The following ERCC6L2 variants were observed in gnomAD, a reference collection of about 807,000 sequenced individuals.
ERCC6L2 encodes DNA excision repair protein ERCC-6-like 2.
In ERCC6L2, 77 loss-of-function variants were observed where a neutral mutation model predicts 132.0. The observed-to-expected ratio is 0.58, with a 90% CI of 0.49 to 0.71. The LOEUF (loss-of-function observed/expected upper bound fraction) is 0.71. ERCC6L2 is among the 30% of genes least tolerant of loss of function. The probability of loss-of-function intolerance (pLI) is 0.00; values close to 1 mark genes in which losing one functional copy is unlikely to be tolerated. For missense variants in ERCC6L2, 1,542 were observed against 1,837.6 expected (o/e 0.84, Z 2.94); for synonymous variants, 583 against 632.4 (o/e 0.92, Z 1.17).
intron 19 of ERCC6L2, among the ~76,000 whole-genome samples, chr9:96,024,324 T>A (rs1834333661): frequency 6.6e-6 from 1 of 152,226 alleles, no homozygotes; most frequent in South Asian, 2.1e-4. Context: ...GCAGAGTGAA[T>A]GAAGGGAAGT....
chr9:95,901,741 G>T (rs1476527393), intron 3 of ERCC6L2, among the ~76,000 whole-genome samples: 1 of 152,096 alleles, frequency 6.6e-6, no homozygotes, highest in Non-Finnish European at 1.5e-5. Flanking sequence ...TATTATGTTT[G>T]TTCTTTTGTT....
intron 2 of ERCC6L2, among the ~76,000 whole-genome samples, chr9:95,886,911 C>CA (rs1827899574): frequency 6.6e-6 from 1 of 152,198 alleles, no homozygotes; most frequent in Non-Finnish European, 1.5e-5. Context: ...CTGGCCTAGC[C>CA]TCCCAGCCTG....
chr9:96,039,164 G>A (rs1219499367), intron 20 of ERCC6L2, among the ~76,000 whole-genome samples: 1 of 152,206 alleles, frequency 6.6e-6, no homozygotes, highest in Non-Finnish European at 1.5e-5. Context: ...AAGCTGTTAT[G>A]GCTTTGGGGT....
intron 19 of ERCC6L2, among the ~76,000 whole-genome samples, chr9:96,030,663 C>G (rs762563948): frequency 8.9e-5 from 13 of 146,158 alleles, no homozygotes; most frequent in Non-Finnish European, 1.9e-4. Flanking sequence ...GATTGCGCCA[C>G]TGCACTCCAG....
chr9:95,908,186 A>G (rs1299277646), intron 4 of ERCC6L2, among the ~76,000 whole-genome samples: 1 of 152,122 alleles, frequency 6.6e-6, no homozygotes, highest in Non-Finnish European at 1.5e-5. Flanking sequence ...TCCACAATTT[A>G]AATGTTCAGG....
intron 17 of ERCC6L2, among the ~76,000 whole-genome samples, chr9:95,981,900 G>A (rs1158783762): frequency 6.6e-6 from 1 of 152,138 alleles, no homozygotes; most frequent in Non-Finnish European, 1.5e-5. Flanking sequence ...TGAAGGGGGA[G>A]GATGTATTCT....
chr9:95,915,545 C>T, intron 4 of ERCC6L2, 123 bp from the exon 5 acceptor site: 1 of 965,388 alleles, frequency 1.0e-6, no homozygotes, highest in Non-Finnish European at 1.5e-6. Context: ...CCAATGGAGT[C>T]ATCAAAGAGT....
intron 19 of ERCC6L2, among the ~76,000 whole-genome samples, chr9:96,024,635 C>T (rs1428876150): frequency 6.6e-6 from 1 of 152,184 alleles, no homozygotes; most frequent in Non-Finnish European, 1.5e-5. Flanking sequence ...ATTCTAGGGG[C>T]CCCTCCACTC....
At position 95,972,501 on chromosome 9, in the gene ERCC6L2, A is replaced by G. The variant is rs111792370; in HGVS notation, c.2750A>G (p.Asn917Ser). 13 of 1,289,930 alleles carry G rather than the reference A, an allele frequency of 1.0e-5. No individual in the cohort carries two copies. The African/African-American group carries it at 1.5e-4, about 15-fold the overall frequency. 79.9% of individuals were successfully genotyped at this position (1,289,930 alleles called of 1,614,324 possible). ...TQYTTERFPDNSIRFKPPLEG... is the reference protein window; with the variant it reads ...TQYTTERFPDSSIRFKPPLEG... The stretch of plus-strand genomic sequence containing the variant: ...TACACAACTGAGAGATTCCCCGACA[A>G]TAGTATAAGGTTTAAGCCACCCTTG... Residue 917 changes from asparagine (N) to serine (S), a missense_variant, in exon 16 of 19, where the codon AAT becomes AGT. Physicochemically the swap from Asn to Ser is conservative, Grantham distance 46 (BLOSUM62 1). This residue lies in a region of ERCC6L2 where 945 missense variants were observed against 1,105.2 expected (regional missense o/e 0.86). Transcript: ENST00000653738.
chr9:95,922,851 C>G (rs1440030406), intron 8 of ERCC6L2, among the ~76,000 whole-genome samples: 1 of 152,052 alleles, frequency 6.6e-6, no homozygotes, highest in African/African-American at 2.4e-5. Context: ...TTGGTTGTTT[C>G]CTTTTATTCT....
intron 16 of ERCC6L2, among the ~76,000 whole-genome samples, chr9:95,976,733 C>T (rs1832688637): frequency 6.6e-6 from 1 of 152,174 alleles, no homozygotes; most frequent in African/African-American, 2.4e-5. Flanking sequence ...GATTCTCCTG[C>T]TTCTTCTGCT....
At chr9:95,877,301 C>T (rs1453608843) in intron 1 of ERCC6L2, among the ~76,000 whole-genome samples, 1 of 151,814 alleles carries the variant, frequency 6.6e-6, no homozygotes, top group African/African-American at 2.4e-5. Context: ...CGAACTCAAA[C>T]CCAAAATACT....
intron 17 of ERCC6L2, among the ~76,000 whole-genome samples, chr9:95,995,664 C>G (rs1366003110): frequency 6.6e-6 from 1 of 152,162 alleles, no homozygotes; most frequent in South Asian, 2.1e-4. Flanking sequence ...ATTTTTCCAA[C>G]AATATGTGCT....
At chr9:95,950,109 C>A (rs2132943142) in intron 12 of ERCC6L2, among the ~76,000 whole-genome samples, 1 of 152,086 alleles carries the variant, frequency 6.6e-6, no homozygotes, top group African/African-American at 2.4e-5. Flanking sequence ...ATAAAGATCT[C>A]CAGTTAAGGT....
In ERCC6L2 at chr9:96,014,511, G is replaced by A. The variant is rs1011520797; in HGVS notation, c.*1308G>A. On this transcript the variant is annotated 3_prime_UTR_variant, in exon 19 of 19. Coordinates refer to ENST00000653738, the MANE Select transcript of ERCC6L2 (RefSeq NM_020207.7). ...ATTGTAAAATTTATGTCATGACTCA[G>A]TACATATGTGTTCGTACATATATGA... The A allele has an allele frequency of 2.6e-5, 4 of 152,162 alleles. No individual in the cohort carries two copies. Among genetic ancestry groups the A allele is most frequent in the Non-Finnish European group, 4.4e-5 (3 of 68,026 alleles). 9.4% of individuals were successfully genotyped at this position (152,162 alleles called of 1,614,324 possible). A position where few individuals can be genotyped will look rare whatever the true frequency, so the allele number is the denominator to read the frequency against.
rs1462291917 is a variant in ERCC6L2, at chr9:96,018,244, T to C, written c.*5041T>C. On this transcript the variant is annotated 3_prime_UTR_variant, in exon 19 of 19. Transcript: ENST00000653738. ...ATTAAAATGCTAAATTTTGTATGTGTTTTACAATTTTAAAAATGGAAAAAA... is the reference window on the plus strand; with the variant it reads ...ATTAAAATGCTAAATTTTGTATGTGCTTTACAATTTTAAAAATGGAAAAAA... Among the ~76,000 whole-genome samples, 1 of 152,162 alleles carries C rather than the reference T, an allele frequency of 6.6e-6. No homozygotes were observed.
chr9:96,039,007 C>A (rs1166160519), exon 20 of ERCC6L2: 3 of 444,458 alleles, frequency 6.7e-6, no homozygotes, highest in Non-Finnish European at 1.4e-5. Flanking sequence ...GGAGATGAAC[C>A]ACCTTGGAGA....
At chr9:96,020,944 C>T (rs915079474), downstream of ERCC6L2, 28 of 456,542 alleles carry the variant, frequency 6.1e-5, no homozygotes, top group African/African-American at 2.8e-4. Flanking sequence ...ACGCGCGGGC[C>T]GGGGAGCGGG....
chr9:95,920,345 GTAAAGA>G (rs1829804223), intron 6 of ERCC6L2, among the ~76,000 whole-genome samples: 1 of 151,976 alleles, frequency 6.6e-6, no homozygotes, highest in African/African-American at 2.4e-5. Context: ...TTAATGAACA[GTAAAGA>G]TATTTTCACT....
Sources: gnomAD v4.1 joint callset for allele counts (sites outside exome capture counted in the v4.1 genomes callset) on GRCh38, gnomAD v4.1.1 for gene constraint, gnomAD v4.1.1 regional missense constraint, MANE v1.5 for transcripts, NCBI Gene and HGNC (gene_info 2026-07-23, HGNC 2026-07-21) for gene names.